Variants in PIGZ observed in about 807,000 individuals in gnomAD.
PIGZ encodes GPI alpha-1,2-mannosyltransferase 4.
A neutral mutation model predicts 16.4 loss-of-function variants in PIGZ; 16 were observed. The observed-to-expected ratio is 0.97, with a 90% confidence interval of 0.66 to 1.48. The LOEUF (loss-of-function observed/expected upper bound fraction) is 1.48. Ranked by LOEUF, PIGZ falls within the 40% of genes most tolerant of loss-of-function variation. The probability of loss-of-function intolerance (pLI) is 0.00; values close to 1 mark genes in which losing one functional copy is unlikely to be tolerated. For missense variants in PIGZ, 770 were observed against 739.2 expected, an observed-to-expected ratio of 1.04 and a Z score of -0.48; for synonymous variants, 409 against 338.4, an observed-to-expected ratio of 1.21 and a Z score of -2.29.
Position 196,948,094 on chromosome 3 carries a change from G to C in PIGZ, c.803C>G (p.Thr268Arg). ...ALVLLPGAAL[T>R]AAVFVATDSW... The stretch of plus-strand genomic sequence containing the variant: ...GTCCGTGGCCACAAACACCGCTGCT[G>C]TGAGGGCTGCCCCAGGGAGCAGCAC... Residue 268 changes from threonine (T) to arginine (R), a missense_variant, in exon 3 of 3, where the codon ACA (threonine) becomes AGA (arginine). Coordinates refer to ENST00000412723, the MANE Select transcript of PIGZ (RefSeq NM_025163.4). The C allele has an allele frequency of 6.3e-7, 1 of 1,591,700 alleles. No individual in the cohort carries two copies. The highest frequency in any genetic ancestry group is 1.1e-5 in the South Asian group (1 of 88,192).
Position 196,948,027 on chromosome 3 carries a change from G to A in PIGZ, c.870C>T (p.Val290=). Residue 290 remains valine, a synonymous_variant, in exon 3 of 3, where the codon GTC becomes GTT. Coordinates refer to ENST00000412723, the MANE Select transcript of PIGZ (RefSeq NM_025163.4). ...FSSPATSRNL[V]LTPVNFLHYN... ...AGTGCAAGAAGTTGACAGGTGTCAGGACAAGGTTCCTGGATGTAGCGGGGC... is the reference window on the plus strand; with the variant it reads ...AGTGCAAGAAGTTGACAGGTGTCAGAACAAGGTTCCTGGATGTAGCGGGGC... 12 of 1,596,066 alleles carry A rather than the reference G, an allele frequency of 7.5e-6. No homozygotes were observed. The highest frequency in any genetic ancestry group is 1.0e-5 in the Non-Finnish European group (12 of 1,168,458).
chr3:196,947,842 C>T lies in PIGZ; in HGVS notation c.1055G>A (p.Gly352Asp), dbSNP rs746154885. Residue 352 changes from glycine to aspartate, a missense_variant, in exon 3 of 3, where the codon GGC (glycine) becomes GAC (aspartate). Transcript: ENST00000412723. ...QVGLQASAQM[G>D]LLRALGARSL... ...CCGGGCACCCAGTGCCCTCAGGAGGCCCATTTGTGCAGAGGCCTGGAGGCC... is the reference window on the plus strand; with the variant it reads ...CCGGGCACCCAGTGCCCTCAGGAGGTCCATTTGTGCAGAGGCCTGGAGGCC... The T allele has an allele frequency of 2.1e-5, 34 of 1,612,262 alleles. No individual in the cohort carries two copies. Among genetic ancestry groups the T allele is most frequent in the Non-Finnish European group, 2.7e-5 (32 of 1,178,852 alleles).
In PIGZ at chr3:196,948,306, C is replaced by T. The variant is rs367792934; in HGVS notation, c.591G>A (p.Thr197=). 1.2e-4 allele frequency: 189 copies of T among 1,613,960 alleles called. No homozygotes were observed. The highest frequency in any genetic ancestry group is 1.5e-4 in the Non-Finnish European group (172 of 1,180,014). Residue 197 remains threonine (T), a synonymous_variant, in exon 3 of 3, where the codon ACG becomes ACA. Coordinates refer to ENST00000412723, the MANE Select transcript of PIGZ (RefSeq NM_025163.4). ...CCGGCTCCTTGCGTGTAGGGCCCCA[C>T]GTTACATGGGAGGATACCAGCACCA... is the stretch of plus-strand genomic sequence containing the variant. The part of the protein sequence containing the change: ...WLLVLVSSHV[T]WGPTRKEPAP...
Sources: allele counts gnomAD v4.1 joint callset, GRCh38; gene constraint gnomAD v4.1.1; transcripts MANE v1.5; gene names NCBI Gene and HGNC (gene_info 2026-07-23, HGNC 2026-07-21).